TBCK: variants seen among roughly 807,000 people sequenced by gnomAD.
The protein encoded by TBCK is TBC1 domain containing kinase.
Under a neutral mutation model 113.4 loss-of-function variants are expected in TBCK, and 99 were observed. The ratio of observed to expected loss-of-function variants is 0.87; its 90% confidence interval spans 0.74 to 1.03. TBCK has a LOEUF of 1.03. Ranked by LOEUF, TBCK falls within the 50% of genes least tolerant of loss-of-function variation. The pLI is 0.00. For synonymous variants in TBCK, 369 were observed against 370.8 expected, an observed-to-expected ratio of 1.00 and a Z score of 0.05; for missense variants, 1,045 against 1,061.3, an observed-to-expected ratio of 0.98 and a Z score of 0.21.
intron 7 of TBCK, among the ~76,000 whole-genome samples, chr4:106,250,176 A>G (rs1364114076): frequency 6.6e-6 from 1 of 152,070 alleles, no homozygotes; most frequent in African/African-American, 2.4e-5. Flanking sequence ...TAGATAATAA[A>G]GCTGAGATTA....
chr4:106,190,226 G>C (rs1334695842), intron 22 of TBCK, among the ~76,000 whole-genome samples: 1 of 152,016 alleles, frequency 6.6e-6, no homozygotes, highest in Non-Finnish European at 1.5e-5. Flanking sequence ...TTTATCCCTA[G>C]ATTACAATAA....
chr4:106,188,857 A>G (rs1045712125), intron 22 of TBCK, among the ~76,000 whole-genome samples: 1 of 152,196 alleles, frequency 6.6e-6, no homozygotes, highest in African/African-American at 2.4e-5. Flanking sequence ...TCAGCTTCCT[A>G]GAATCACGTT....
intron 25 of TBCK, among the ~76,000 whole-genome samples, chr4:106,057,226 A>C (rs914037907): frequency 1.3e-5 from 2 of 151,686 alleles, no homozygotes. Flanking sequence ...TGAAAGCTTA[A>C]GAGAGAGGGT....
At chr4:106,283,852 C>T (rs17333732) in intron 3 of TBCK, among the ~76,000 whole-genome samples, 21,482 of 151,950 alleles carry the variant, frequency 0.14, 1,708 homozygotes, top group South Asian at 0.25. Flanking sequence ...AGTGGGAGGA[C>T]TGAAGTATGG....
chr4:106,283,587 C>G lies in TBCK; in HGVS notation c.266+11507G>C, dbSNP rs562145612. 3.6e-4 allele frequency among the ~76,000 whole-genome samples: 55 copies of G among 152,100 alleles called. 2 individuals carry two copies. The South Asian group carries it at 6.8e-3, about 19-fold the overall frequency. ...TCAAAATTTTGGCATTCACTCTCCT[C>G]AATGTGTATTAGGAATAATTAAAAC... On this transcript the variant is annotated intron_variant, in intron 3 of 25. Coordinates refer to ENST00000394708, the MANE Select transcript of TBCK (RefSeq NM_001163435.3).
intron 20 of TBCK, among the ~76,000 whole-genome samples, chr4:106,206,496 TG>T (rs1755517214): frequency 6.6e-6 from 1 of 152,120 alleles, no homozygotes; most frequent in Admixed American, 6.5e-5. Flanking sequence ...GTACTAATGT[TG>T]GGGACATAGC....
rs1755338075 is a variant in TBCK, at chr4:106,205,242, T to A, written c.1860+7508A>T. 8.5e-5 allele frequency among the ~76,000 whole-genome samples: 13 copies of A among 152,324 alleles called. No homozygotes were observed. In the South Asian group the frequency reaches 2.5e-3, roughly 29 times the overall value. ...GTTGTGATATTAATAAATGTGATTT[T>A]AAAAATATTCTATAATGAAATGCTT... On this transcript the variant is annotated intron_variant, in intron 20 of 25. Coordinates refer to ENST00000394708, the MANE Select transcript of TBCK (RefSeq NM_001163435.3).
intron 23 of TBCK, among the ~76,000 whole-genome samples, chr4:106,121,828 A>G (rs1220328647): frequency 6.6e-6 from 1 of 152,188 alleles, no homozygotes; most frequent in Non-Finnish European, 1.5e-5. Flanking sequence ...GAAACCAACG[A>G]GAACAAAGAC....
intron 19 of TBCK, among the ~76,000 whole-genome samples, chr4:106,227,631 G>GAT (rs1386141317): frequency 6.6e-6 from 1 of 151,760 alleles, no homozygotes; most frequent in Non-Finnish European, 1.5e-5. Context: ...AAACCATAAT[G>GAT]ATATATATAA....
chr4:106,255,249 C>T (rs1261619711), intron 5 of TBCK, among the ~76,000 whole-genome samples: 2 of 152,080 alleles, frequency 1.3e-5, no homozygotes, highest in Admixed American at 6.5e-5. Flanking sequence ...CAGGTGGAAA[C>T]CTCTGTGGCC....
At chr4:106,289,383 A>G (rs754331986) in intron 3 of TBCK, among the ~76,000 whole-genome samples, 10 of 152,212 alleles carry the variant, frequency 6.6e-5, no homozygotes, top group Non-Finnish European at 1.5e-4. Flanking sequence ...TAGACTTGCC[A>G]TAGGTTCTTC....
At chr4:106,147,977 C>T (rs939358765) in intron 23 of TBCK, among the ~76,000 whole-genome samples, 8 of 152,150 alleles carry the variant, frequency 5.3e-5, no homozygotes, top group African/African-American at 1.4e-4. Flanking sequence ...TGAACTGGCC[C>T]CCCTGGGCGT....
At chr4:106,135,028 T>G (rs930013493) in intron 23 of TBCK, among the ~76,000 whole-genome samples, 2 of 152,166 alleles carry the variant, frequency 1.3e-5, no homozygotes, top group African/African-American at 4.8e-5. Context: ...GCAGGTTTAA[T>G]TTCCTGATAA....
At chr4:106,212,906 T>G in intron 19 of TBCK, 71 bp from the exon 20 acceptor site, 1 of 949,542 alleles carries the variant, frequency 1.1e-6, no homozygotes, top group Admixed American at 2.1e-5. Context: ...TCAAATATAG[T>G]TTTATTTATA....
intron 24 of TBCK, among the ~76,000 whole-genome samples, chr4:106,111,750 A>G (rs1742886671): frequency 6.6e-6 from 1 of 152,240 alleles, no homozygotes; most frequent in Admixed American, 6.5e-5. Flanking sequence ...CTCCTTGGAA[A>G]TATCTTGGGT....
At chr4:106,255,059 T>A in intron 5 of TBCK, 1 of 343,738 alleles carries the variant, frequency 2.9e-6, no homozygotes, top group Non-Finnish European at 5.8e-6. Flanking sequence ...TGAATTTTTA[T>A]TGAAAATAGA....
intron 25 of TBCK, among the ~76,000 whole-genome samples, chr4:106,070,937 G>T (rs1008474180): frequency 1.3e-5 from 2 of 152,136 alleles, no homozygotes. Context: ...GTGTAGAGGT[G>T]TTTATAGTAT....
At chr4:106,200,708 A>G (rs1180903407) in intron 20 of TBCK, among the ~76,000 whole-genome samples, 1 of 152,004 alleles carries the variant, frequency 6.6e-6, no homozygotes, top group Non-Finnish European at 1.5e-5. Flanking sequence ...ATTTTTGTCT[A>G]TCTCTTATTT....
At chr4:106,169,270 C>CAG (rs56383669) in intron 23 of TBCK, among the ~76,000 whole-genome samples, 61,152 of 151,672 alleles carry the variant, frequency 0.4, 12,605 homozygotes, top group African/African-American at 0.48. Flanking sequence ...TTAAAAAGAA[C>CAG]AGTTGGAGGA....
Sources: gnomAD v4.1 joint callset for allele counts (sites outside exome capture counted in the v4.1 genomes callset) on GRCh38, gnomAD v4.1.1 for gene constraint, MANE v1.5 for transcripts, NCBI Gene and HGNC (gene_info 2026-07-23, HGNC 2026-07-21) for gene names.